The following DCC variants were observed in gnomAD, a reference collection of about 807,000 sequenced individuals.
DCC encodes the protein netrin receptor DCC.
A neutral mutation model predicts 172.5 loss-of-function variants in DCC; 58 were observed. That is an observed-to-expected ratio of 0.34 (90% CI 0.27 to 0.42). The LOEUF (loss-of-function observed/expected upper bound fraction) is 0.42, where lower values mean the gene tolerates loss of function less well. Ranked by LOEUF, DCC falls within the 10% of genes least tolerant of loss-of-function variation. The pLI is 1.00. For missense variants in DCC, 1,740 were observed against 1,791.0 expected (o/e 0.97, Z 0.51); for synonymous variants, 709 against 644.5 (o/e 1.10, Z -1.52).
intron 12 of DCC, among the ~76,000 whole-genome samples, chr18:53,272,591 T>A (rs2056761284): frequency 1.3e-5 from 2 of 152,184 alleles, no homozygotes; most frequent in African/African-American, 4.8e-5. Flanking sequence ...TGTTTTTATC[T>A]TCTAATGGAA....
At chr18:53,081,216 A>T (rs2042795984) in intron 7 of DCC, among the ~76,000 whole-genome samples, 1 of 152,070 alleles carries the variant, frequency 6.6e-6, no homozygotes, top group Non-Finnish European at 1.5e-5. Flanking sequence ...CTAGAAATAG[A>T]CTAAATAGTT....
intron 1 of DCC, among the ~76,000 whole-genome samples, chr18:52,631,584 C>A (rs989580198): frequency 1.3e-5 from 2 of 152,176 alleles, no homozygotes; most frequent in East Asian, 1.9e-4. Flanking sequence ...TTGATGTCTT[C>A]CTCGGAATCG....
At chr18:52,506,462 A>T (rs1322243217) in intron 1 of DCC, among the ~76,000 whole-genome samples, 2 of 152,118 alleles carry the variant, frequency 1.3e-5, no homozygotes. Context: ...TTTAAAATGC[A>T]TATCCATATA....
At chr18:52,609,724 G>GA (rs35906685) in intron 1 of DCC, among the ~76,000 whole-genome samples, 11,967 of 145,944 alleles carry the variant, frequency 0.082, 572 homozygotes, top group South Asian at 0.17. Flanking sequence ...ACGGGGACCT[G>GA]AAAAAAAAAA....
chr18:53,164,923 T>G (rs2054893307), intron 8 of DCC, among the ~76,000 whole-genome samples: 1 of 152,164 alleles, frequency 6.6e-6, no homozygotes, highest in Non-Finnish European at 1.5e-5. Context: ...CTGAAAAATA[T>G]TGCTAAGAAA....
intron 2 of DCC, among the ~76,000 whole-genome samples, chr18:52,866,739 G>A (rs560335318): frequency 4.6e-5 from 7 of 152,194 alleles, no homozygotes; most frequent in African/African-American, 9.6e-5. Flanking sequence ...TTTTGTATCC[G>A]GAGACTTTGC....
chr18:52,410,435 G>T (rs1306278084), intron 1 of DCC, among the ~76,000 whole-genome samples: 1 of 152,004 alleles, frequency 6.6e-6, no homozygotes, highest in African/African-American at 2.4e-5. Context: ...TCATTTGTAA[G>T]GCAAAACAAA....
At chr18:52,577,701 G>T (rs777399892) in intron 1 of DCC, among the ~76,000 whole-genome samples, 17 of 152,150 alleles carry the variant, frequency 1.1e-4, no homozygotes, top group Non-Finnish European at 2.1e-4. Flanking sequence ...TCTAAGGAAA[G>T]AAAAATGCAG....
intron 22 of DCC, among the ~76,000 whole-genome samples, chr18:53,443,782 C>A (rs975511735): frequency 6.6e-6 from 1 of 152,166 alleles, no homozygotes. Flanking sequence ...GGAATAGATT[C>A]CAATAAGGAG....
At chr18:53,419,063 C>T (rs546507263) in intron 21 of DCC, among the ~76,000 whole-genome samples, 14 of 152,152 alleles carry the variant, frequency 9.2e-5, no homozygotes, top group South Asian at 2.1e-4. Flanking sequence ...ACCAGAGTTT[C>T]GTTTTTTGTA....
intron 1 of DCC, among the ~76,000 whole-genome samples, chr18:52,726,124 C>T (rs115750770): frequency 1.6e-3 from 239 of 152,308 alleles, no homozygotes; most frequent in African/African-American, 5.6e-3. Context: ...ACACTAACTA[C>T]AGGTAATATG....
At chr18:52,981,570 T>C (rs2041209607) in intron 5 of DCC, among the ~76,000 whole-genome samples, 1 of 152,164 alleles carries the variant, frequency 6.6e-6, no homozygotes, top group South Asian at 2.1e-4. Flanking sequence ...AGGAGCTTAT[T>C]TAATCACAGA....
chr18:52,653,281 C>T (rs2144928975), intron 1 of DCC, among the ~76,000 whole-genome samples: 1 of 152,222 alleles, frequency 6.6e-6, no homozygotes, highest in Non-Finnish European at 1.5e-5. Flanking sequence ...GAGTAAGAGT[C>T]TGAGTTTTAA....
At chr18:52,957,621 A>C (rs1024278232) in intron 5 of DCC, among the ~76,000 whole-genome samples, 1 of 152,164 alleles carries the variant, frequency 6.6e-6, no homozygotes, top group African/African-American at 2.4e-5. Context: ...AGAGAAGACT[A>C]TAAAGTATGT....
intron 1 of DCC, among the ~76,000 whole-genome samples, chr18:52,615,877 A>T (rs1251017789): frequency 6.6e-6 from 1 of 152,176 alleles, no homozygotes; most frequent in Non-Finnish European, 1.5e-5. Context: ...ACAGAAATTT[A>T]TGCTTATCAA....
At chr18:53,201,210 T>C (rs1159864652) in intron 9 of DCC, among the ~76,000 whole-genome samples, 1 of 152,248 alleles carries the variant, frequency 6.6e-6, no homozygotes, top group East Asian at 1.9e-4. Context: ...GCTTTGAATG[T>C]GTTACAAGTC....
chr18:53,167,966 T>C (rs1279528549), intron 8 of DCC, among the ~76,000 whole-genome samples: 3 of 152,148 alleles, frequency 2.0e-5, no homozygotes, highest in African/African-American at 4.8e-5. Flanking sequence ...TCCAGGCTCA[T>C]CATCACTGGT....
intron 2 of DCC, among the ~76,000 whole-genome samples, chr18:52,787,276 C>G (rs75846297): frequency 0.043 from 6,566 of 152,172 alleles, 221 homozygotes; most frequent in South Asian, 0.16. Context: ...TCCAATGTTA[C>G]AATCTTCAAA....
intron 1 of DCC, among the ~76,000 whole-genome samples, chr18:52,480,038 A>C (rs2029893194): frequency 6.6e-6 from 1 of 152,128 alleles, no homozygotes; most frequent in African/African-American, 2.4e-5. Context: ...ACACAGTCAC[A>C]TTTATTATTA....
Sources: allele counts gnomAD v4.1 joint callset (sites outside exome capture counted in the v4.1 genomes callset), GRCh38; gene constraint gnomAD v4.1.1; transcripts MANE v1.5; gene names NCBI Gene and HGNC (gene_info 2026-07-23, HGNC 2026-07-21).